The following ELSPBP1 variants were observed in gnomAD, a reference collection of about 807,000 sequenced individuals.
ELSPBP1 encodes the protein epididymal sperm binding protein 1.
In ELSPBP1, 38 loss-of-function variants were observed where a neutral mutation model predicts 33.3. The ratio of observed to expected loss-of-function variants is 1.14; its 90% CI spans 0.88 to 1.50. The LOEUF is 1.50. Among genes scored for constraint, ELSPBP1 ranks in the 40% most tolerant of loss-of-function variants. ELSPBP1 has a pLI of 0.00. For missense variants in ELSPBP1, 267 were observed against 263.5 expected (o/e 1.01, Z -0.09); for synonymous variants, 85 against 94.1 (o/e 0.90, Z 0.56).
chr19:48,020,313 C>T (rs901200071), intron 5 of ELSPBP1, among the ~76,000 whole-genome samples: 9 of 151,990 alleles, frequency 5.9e-5, no homozygotes, highest in Admixed American at 6.6e-5. Flanking sequence ...TGAGACCTTG[C>T]GTCTAAAATA....
chr19:48,010,135 A>G (rs1384171556), intron 2 of ELSPBP1, among the ~76,000 whole-genome samples: 1 of 152,164 alleles, frequency 6.6e-6, no homozygotes, highest in Non-Finnish European at 1.5e-5. Flanking sequence ...AGGAAAGTGA[A>G]ACTGATTTCG....
At chr19:48,015,756 C>T in intron 3 of ELSPBP1, 137 bp from the exon 4 acceptor site, 1 of 755,784 alleles carries the variant, frequency 1.3e-6, no homozygotes, top group Admixed American at 2.9e-5. Flanking sequence ...TAGGCAAATG[C>T]TTGATGAAAT....
chr19:48,010,992 T>C (rs1329508469), intron 2 of ELSPBP1, among the ~76,000 whole-genome samples: 3 of 152,112 alleles, frequency 2.0e-5, no homozygotes, highest in Non-Finnish European at 4.4e-5. Flanking sequence ...AGGCAAAGCA[T>C]TGATAATGAC....
rs1017275293 is a variant in ELSPBP1, at chr19:48,011,942, C to G, written c.71-2229C>G. Among the ~76,000 whole-genome samples the G allele has an allele frequency of 7.9e-5, 12 of 152,180 alleles. No individual in the cohort carries two copies. The highest frequency in any genetic ancestry group is 2.9e-4 in the African/African-American group (12 of 41,530). The stretch of plus-strand genomic sequence containing the variant: ...CAAGGTGAAAAATGCAATGAACTAA[C>G]AGTTGAGCAAGTTGAGCTCTCATCC... On this transcript the variant is annotated intron_variant, in intron 2 of 6. Transcript: ENST00000339841. The surrounding 1 kb of genome is among the most constrained non-coding windows in gnomAD (Gnocchi z 4.5).
At chr19:48,018,413 A>G (rs930606920) in intron 4 of ELSPBP1, among the ~76,000 whole-genome samples, 1 of 151,786 alleles carries the variant, frequency 6.6e-6, no homozygotes, top group African/African-American at 2.4e-5. Context: ...AGGCAAAAAA[A>G]TGGGCTTTGA....
At chr19:48,023,913 C>G (rs112203542) in intron 6 of ELSPBP1, among the ~76,000 whole-genome samples, 8,749 of 151,498 alleles carry the variant, frequency 0.058, 706 homozygotes, top group African/African-American at 0.18. Flanking sequence ...CTCTGTCGCC[C>G]AGGCTGGAGT....
At chr19:48,005,566 T>C (rs1202395718) in intron 1 of ELSPBP1, among the ~76,000 whole-genome samples, 1 of 152,166 alleles carries the variant, frequency 6.6e-6, no homozygotes, top group Admixed American at 6.5e-5. Context: ...AGCTTGGAAT[T>C]TGAGATGCTT....
intron 1 of ELSPBP1, among the ~76,000 whole-genome samples, chr19:47,998,786 C>CAA (rs34853595): frequency 0.11 from 12,418 of 110,698 alleles, 775 homozygotes; most frequent in Middle Eastern, 0.12. Context: ...GACTCCGTCT[C>CAA]AAAAAAAAAA....
At chr19:48,000,541 C>A (rs927577719) in intron 1 of ELSPBP1, among the ~76,000 whole-genome samples, 2 of 152,100 alleles carry the variant, frequency 1.3e-5, no homozygotes, top group Admixed American at 6.5e-5. Flanking sequence ...AACAGTCCTA[C>A]GGGATAGATT....
intron 1 of ELSPBP1, among the ~76,000 whole-genome samples, chr19:47,999,154 C>G (rs1600099923): frequency 6.6e-6 from 1 of 152,336 alleles, no homozygotes; most frequent in South Asian, 2.1e-4. Context: ...AAGGAGACAT[C>G]TGTCAGGCAT....
chr19:48,022,831 A>G (rs1186144120), intron 6 of ELSPBP1, among the ~76,000 whole-genome samples: 5 of 150,938 alleles, frequency 3.3e-5, no homozygotes, highest in African/African-American at 1.2e-4. Flanking sequence ...CAGGAGGATC[A>G]GTTGAGGCCA....
At chr19:48,016,501 T>C (rs1967139644) in intron 4 of ELSPBP1, among the ~76,000 whole-genome samples, 1 of 113,834 alleles carries the variant, frequency 8.8e-6, no homozygotes, top group East Asian at 2.2e-4. Context: ...TCTTTCTTTC[T>C]TTCTTTCTTT....
intron 1 of ELSPBP1, among the ~76,000 whole-genome samples, chr19:48,007,484 G>A (rs147657484): frequency 3.1e-4 from 47 of 152,264 alleles, no homozygotes; most frequent in Non-Finnish European, 5.3e-4. Flanking sequence ...GTCAATAATT[G>A]GGAGCCAGCC....
intron 6 of ELSPBP1, among the ~76,000 whole-genome samples, chr19:48,024,727 C>T (rs776878533): frequency 1.1e-4 from 16 of 152,266 alleles, no homozygotes; most frequent in Non-Finnish European, 1.5e-4. Context: ...TTGCAGGTCC[C>T]CTTCCCCTTA....
intron 2 of ELSPBP1, among the ~76,000 whole-genome samples, chr19:48,012,259 G>A (rs1640751622): frequency 6.6e-6 from 1 of 152,052 alleles, no homozygotes; most frequent in African/African-American, 2.4e-5. Flanking sequence ...AAGTAGCTGG[G>A]ATTACAGGGG....
At chr19:48,019,269 G>A (rs1396069866) in intron 4 of ELSPBP1, among the ~76,000 whole-genome samples, 3 of 152,158 alleles carry the variant, frequency 2.0e-5, no homozygotes, top group Non-Finnish European at 4.4e-5. Context: ...GATTGTGTAA[G>A]GATCATGATA....
At chr19:48,009,880 A>C (rs34574812) in intron 2 of ELSPBP1, among the ~76,000 whole-genome samples, 25,434 of 152,022 alleles carry the variant, frequency 0.17, 2,180 homozygotes, top group South Asian at 0.23. Flanking sequence ...CAAGCTTCTT[A>C]CATCCTGGAG....
Position 47,999,387 on chromosome 19 carries a change from C to CTTTTTTT in ELSPBP1, c.-18+4589_-18+4595dup, listed in dbSNP as rs397937280. Among the ~76,000 whole-genome samples, 22 of 129,958 alleles carry CTTTTTTT rather than the reference C, an allele frequency of 1.7e-4. 4 individuals carry two copies. The highest frequency in any genetic ancestry group is 2.1e-4 in the Non-Finnish European group (13 of 62,686). 85.3% of individuals were successfully genotyped at this position (129,958 alleles called of 152,430 possible). ...CCACCCCATACTGAAAGCCTCATTT[C>CTTTTTTT]TTTTTTTTTTTTTTTTTTTGAGAAA... On this transcript the variant is annotated intron_variant, in intron 1 of 6. Coordinates refer to ENST00000339841, the MANE Select transcript of ELSPBP1 (RefSeq NM_022142.5).
chr19:48,004,466 G>A (rs1195134769), intron 1 of ELSPBP1, among the ~76,000 whole-genome samples: 1 of 152,082 alleles, frequency 6.6e-6, no homozygotes, highest in Non-Finnish European at 1.5e-5. Context: ...CTGGGCCTTA[G>A]CCATGCGGGT....
Sources: gnomAD v4.1 joint callset for allele counts (sites outside exome capture counted in the v4.1 genomes callset) on GRCh38, gnomAD v4.1.1 for gene constraint, Gnocchi (gnomAD v3.1) non-coding constraint, MANE v1.5 for transcripts, NCBI Gene and HGNC (gene_info 2026-07-23, HGNC 2026-07-21) for gene names.